Variants in CHD8 observed in about 807,000 individuals in gnomAD.
CHD8 encodes the protein chromodomain helicase DNA binding protein 8.
Under a neutral mutation model 279.2 loss-of-function variants are expected in CHD8, and 31 were observed. The observed-to-expected ratio is 0.11, with a 90% CI of 0.08 to 0.15. CHD8 has a LOEUF of 0.15. Among genes scored for constraint, CHD8 ranks in the 10% least tolerant of loss-of-function variants. The pLI, the probability that CHD8 is intolerant of heterozygous loss-of-function variation, is 1.00. For synonymous variants in CHD8, 1,081 were observed against 1,139.6 expected (o/e 0.95, Z 1.04); for missense variants, 2,146 against 3,230.5 (o/e 0.66, Z 8.14).
chr14:21,432,423 A>G (rs1889602767), intron 1 of CHD8, among the ~76,000 whole-genome samples: 1 of 152,206 alleles, frequency 6.6e-6, no homozygotes, highest in African/African-American at 2.4e-5. Context: ...TAGTTAACAT[A>G]TTAATCTATA....
chr14:21,433,772 G>A (rs1320946828), intron 1 of CHD8, among the ~76,000 whole-genome samples: 11 of 151,936 alleles, frequency 7.2e-5, no homozygotes, highest in Admixed American at 7.2e-4. Flanking sequence ...CCCATTCCTG[G>A]CTAGCCTATT....
intron 21 of CHD8, 126 bp from the exon 22 acceptor site, chr14:21,401,197 CAT>C: frequency 1.2e-5 from 11 of 900,042 alleles, no homozygotes; most frequent in Non-Finnish European, 1.8e-5. Flanking sequence ...TTTTAAATGA[CAT>C]GTAAAATAAT....
rs993140249 is a variant in CHD8 at position 21,402,564 on chromosome 14, G to T, written c.3715-61C>A. 12 of 1,444,638 alleles carry T rather than the reference G, an allele frequency of 8.3e-6. 1 individual carries two copies. The highest frequency in any genetic ancestry group is 1.8e-4 in the Middle Eastern group (1 of 5,516). 89.5% of individuals were successfully genotyped at this position (1,444,638 alleles called of 1,614,324 possible). On this transcript the variant is annotated intron_variant, in intron 18 of 37. Coordinates refer to ENST00000646647, the MANE Select transcript of CHD8 (RefSeq NM_001170629.2). This position sits in a 1 kb window ranked among gnomAD's most constrained non-coding sequence, Gnocchi z 4.5. ...ATATCATAAAATTAGCAAGGGAAAG[G>T]ATACAAAATACCAATTTATGATTCT... is the stretch of plus-strand genomic sequence containing the variant.
At position 21,403,182 on chromosome 14, in the gene CHD8, A is replaced by G. The variant is rs1308207929; in HGVS notation, c.3549T>C (p.Val1183=). The G allele has an allele frequency of 6.8e-6, 11 of 1,613,838 alleles. No homozygotes were observed. The highest frequency in any genetic ancestry group is 9.3e-6 in the Non-Finnish European group (11 of 1,179,878). The change falls in exon 18 of 38, where the codon GTT becomes GTC. Residue 1183 remains valine, a synonymous_variant. Transcript: ENST00000646647. The surrounding 1 kb of genome is among the most constrained non-coding windows in gnomAD (Gnocchi z 4.3). ...RYLYERIDGR[V]RGNLRQAAID... ...TGGCAGCCTGTCGAAGGTTGCCTCT[A>G]ACTCGCCCATCAATACGTTCATATA...
At chr14:21,438,006 T>C (rs8006513) in intron 1 of CHD8, among the ~76,000 whole-genome samples, 3,027 of 152,174 alleles carry the variant, frequency 0.02, 87 homozygotes, top group African/African-American at 0.07. Flanking sequence ...TAATTCCCAG[T>C]GAGACTAGAC....
At chr14:21,453,436 A>G (rs1206798660) in intron 1 of CHD8, among the ~76,000 whole-genome samples, 5 of 151,984 alleles carry the variant, frequency 3.3e-5, no homozygotes, top group Non-Finnish European at 7.3e-5. Context: ...CAAAAGAATA[A>G]AAGATCATAG....
At chr14:21,423,745 G>T (rs149960229) in intron 5 of CHD8, among the ~76,000 whole-genome samples, 1 of 152,316 alleles carries the variant, frequency 6.6e-6, no homozygotes, top group East Asian at 1.9e-4. Context: ...GCATATGTAT[G>T]TAAGTCTTAA....
rs1263104000 is a variant in CHD8, at chr14:21,401,417, G to C, written c.4159C>G (p.Leu1387Val). 1.3e-6 allele frequency: 2 copies of C among 1,591,842 alleles called. No homozygotes were observed. The highest frequency in any genetic ancestry group is 2.7e-5 in the African/African-American group (2 of 74,406). ...WAKKADLDMD[L>V]LNSKNNLVID... ...AAGAAACTCACCTTGCTGTTGAGCA[G>C]ATCCATGTCTAGGTCAGCCTTTTTG... Residue 1387 changes from leucine to valine, a missense_variant, in exon 21 of 38, where the codon CTG becomes GTG. Coordinates refer to ENST00000646647, the MANE Select transcript of CHD8 (RefSeq NM_001170629.2).
chr14:21,447,922 G>A lies in CHD8; in HGVS notation c.-216+8110C>T, dbSNP rs376412339. Among the ~76,000 whole-genome samples, 21 of 152,208 alleles carry A rather than the reference G, an allele frequency of 1.4e-4. No homozygotes were observed. In the East Asian group the frequency reaches 2.1e-3, roughly 15 times the overall value. ...AAATAATACTCTCTGTTCTAGATGA[G>A]AAATCTCTAACTGGGCCAATGTTCA... On this transcript the variant is annotated intron_variant, in intron 1 of 37. Transcript: ENST00000646647.
intron 1 of CHD8, among the ~76,000 whole-genome samples, chr14:21,432,189 T>C (rs1310850085): frequency 1.3e-5 from 2 of 152,252 alleles, no homozygotes; most frequent in Admixed American, 6.5e-5. Context: ...ATTTACCTTC[T>C]ATTTTCAGTT....
intron 14 of CHD8, among the ~76,000 whole-genome samples, chr14:21,406,517 A>G (rs189601707): frequency 6.6e-6 from 1 of 152,364 alleles, no homozygotes; most frequent in Admixed American, 6.5e-5. Flanking sequence ...CAAGATCATC[A>G]TAAGAACCAA....
At chr14:21,390,276 C>G (rs1887468568) in intron 37 of CHD8, among the ~76,000 whole-genome samples, 1 of 152,148 alleles carries the variant, frequency 6.6e-6, no homozygotes, top group Non-Finnish European at 1.5e-5. Context: ...AAAACCCTCA[C>G]TTTTCAGGAT....
chr14:21,426,239 G>A lies in CHD8; in HGVS notation c.1605C>T (p.Thr535=), dbSNP rs1322857292. Reference sequence around the variant, plus strand: ...TCTTCTTACCCACTACAGGAGTGATGGTGCTAAAAAGGAAAAACCAAATTC... The same window carrying A: ...TCTTCTTACCCACTACAGGAGTGATAGTGCTAAAAAGGAAAAACCAAATTC... ...SKTKGKSKLN[T]ITPVVGKKRK... Residue 535 remains threonine (T), a synonymous_variant, in exon 5 of 38, where the codon ACC becomes ACT. Coordinates refer to ENST00000646647, the MANE Select transcript of CHD8 (RefSeq NM_001170629.2). 1.3e-6 allele frequency: 2 copies of A among 1,551,540 alleles called. No individual in the cohort carries two copies. Among genetic ancestry groups the A allele is most frequent in the Non-Finnish European group, 1.8e-6 (2 of 1,139,630 alleles).
chr14:21,388,563 G>A (rs1005745436), intron 37 of CHD8, among the ~76,000 whole-genome samples: 2 of 152,088 alleles, frequency 1.3e-5, no homozygotes, highest in African/African-American at 2.4e-5. Flanking sequence ...GCATGATCAT[G>A]GGTCACTGTA....
intron 20 of CHD8, 128 bp from the exon 21 acceptor site, chr14:21,401,641 G>A: frequency 1.6e-6 from 1 of 634,960 alleles, no homozygotes; most frequent in Non-Finnish European, 2.6e-6. Context: ...CTGGGGTACA[G>A]TGGCACGATC....
intron 1 of CHD8, among the ~76,000 whole-genome samples, chr14:21,442,272 G>A (rs1889995604): frequency 6.6e-6 from 1 of 152,094 alleles, no homozygotes; most frequent in Non-Finnish European, 1.5e-5. Flanking sequence ...TTCAAGACCA[G>A]CCTGGGCAAC....
chr14:21,447,416 G>C (rs1377370967), intron 1 of CHD8, among the ~76,000 whole-genome samples: 2 of 150,370 alleles, frequency 1.3e-5, no homozygotes, highest in Non-Finnish European at 3.0e-5. Context: ...ATGTTGCCCA[G>C]GTTTGAATGC....
rs761380519 is a variant in CHD8, at chr14:21,402,268, A to C, written c.3882+68T>G. 1 of 1,574,848 alleles carries C rather than the reference A, an allele frequency of 6.3e-7. No individual in the cohort carries two copies. Among genetic ancestry groups the C allele is most frequent in the Non-Finnish European group, 8.7e-7 (1 of 1,145,766 alleles). On this transcript the variant is annotated intron_variant, in intron 19 of 37. Coordinates refer to ENST00000646647, the MANE Select transcript of CHD8 (RefSeq NM_001170629.2). This position sits in a 1 kb window ranked among gnomAD's most constrained non-coding sequence, Gnocchi z 4.5. ...ACAAGGTAGTCAAATCCCTGTGTACAAATAGCTTTTGTTTCCCTCTATCAC... is the reference window on the plus strand; with the variant it reads ...ACAAGGTAGTCAAATCCCTGTGTACCAATAGCTTTTGTTTCCCTCTATCAC...
intron 10 of CHD8, among the ~76,000 whole-genome samples, chr14:21,412,619 C>T (rs1449016142): frequency 6.6e-6 from 1 of 152,076 alleles, no homozygotes; most frequent in African/African-American, 2.4e-5. Context: ...AACACCCCAC[C>T]TCCAACTGTA....
Sources: allele counts gnomAD v4.1 joint callset (sites outside exome capture counted in the v4.1 genomes callset), GRCh38; gene constraint gnomAD v4.1.1; non-coding constraint Gnocchi (gnomAD v3.1); transcripts MANE v1.5; gene names NCBI Gene and HGNC (gene_info 2026-07-23, HGNC 2026-07-21).